NCKAP5: variants seen among roughly 807,000 people sequenced by gnomAD.
NCKAP5 encodes nck-associated protein 5.
In NCKAP5, 92 loss-of-function variants were observed where a neutral mutation model predicts 167.0. The observed-to-expected ratio is 0.55, with a 90% CI of 0.47 to 0.66. The LOEUF is 0.66. Among genes scored for constraint, NCKAP5 ranks in the 30% least tolerant of loss-of-function variants. NCKAP5 has a pLI of 0.00. For missense variants in NCKAP5, 2,378 were observed against 2,315.0 expected (o/e 1.03, Z -0.56); for synonymous variants, 891 against 877.4 (o/e 1.02, Z -0.27).
chr2:132,975,642 A>G (rs1456763198), intron 7 of NCKAP5, among the ~76,000 whole-genome samples: 2 of 152,222 alleles, frequency 1.3e-5, no homozygotes, highest in African/African-American at 4.8e-5. Flanking sequence ...GAAAACTAAT[A>G]ACAGAAATTA....
At chr2:132,950,579 A>G (rs965763470) in intron 8 of NCKAP5, among the ~76,000 whole-genome samples, 3 of 152,182 alleles carry the variant, frequency 2.0e-5, no homozygotes, top group Non-Finnish European at 4.4e-5. Flanking sequence ...TTTTGGGGAA[A>G]AAGGAAAAAG....
intron 7 of NCKAP5, among the ~76,000 whole-genome samples, chr2:132,982,458 G>A (rs1394924390): frequency 1.3e-5 from 2 of 152,038 alleles, no homozygotes; most frequent in East Asian, 3.9e-4. Flanking sequence ...TTATACATGT[G>A]GTCTTTAAGA....
At chr2:133,388,011 G>C (rs1230001388) in intron 3 of NCKAP5, among the ~76,000 whole-genome samples, 9 of 152,150 alleles carry the variant, frequency 5.9e-5, no homozygotes, top group Non-Finnish European at 1.2e-4. Flanking sequence ...GCTCAGAAAA[G>C]TTTGATCATC....
At chr2:133,577,180 C>T in the NCKAP5 span, among the ~76,000 whole-genome samples, 1 of 152,194 alleles carries the variant, frequency 6.6e-6, no homozygotes, top group Non-Finnish European at 1.5e-5. Flanking sequence ...ATGCCCAGGG[C>T]TTCCTGCTAA....
At chr2:133,465,882 T>C (rs1376879164) in intron 3 of NCKAP5, among the ~76,000 whole-genome samples, 1 of 146,456 alleles carries the variant, frequency 6.8e-6, no homozygotes, top group Non-Finnish European at 1.5e-5. Context: ...TAAATTTGTT[T>C]GAGTTCATTG....
At chr2:133,166,790 G>T (rs984309699) in intron 5 of NCKAP5, among the ~76,000 whole-genome samples, 2 of 152,062 alleles carry the variant, frequency 1.3e-5, no homozygotes, top group Non-Finnish European at 2.9e-5. Context: ...ACCAAAAAAG[G>T]TTTTAAAATT....
At chr2:132,797,997 T>C (rs913915775) in intron 11 of NCKAP5, among the ~76,000 whole-genome samples, 1 of 152,134 alleles carries the variant, frequency 6.6e-6, no homozygotes, top group Non-Finnish European at 1.5e-5. Context: ...TTTGCTGTTG[T>C]GGGTTGGCCA....
intron 3 of NCKAP5, among the ~76,000 whole-genome samples, chr2:133,379,086 G>T (rs981949889): frequency 6.6e-6 from 1 of 152,146 alleles, no homozygotes; most frequent in Non-Finnish European, 1.5e-5. Context: ...TATAATGATA[G>T]AACTCTATTT....
the NCKAP5 span, among the ~76,000 whole-genome samples, chr2:133,612,147 G>A: frequency 6.6e-6 from 1 of 152,082 alleles, no homozygotes; most frequent in Non-Finnish European, 1.5e-5. Flanking sequence ...CTCCAATGAT[G>A]ACCTTGGAAT....
intron 3 of NCKAP5, among the ~76,000 whole-genome samples, chr2:133,344,118 A>T (rs1439188963): frequency 6.6e-6 from 1 of 152,132 alleles, no homozygotes; most frequent in Non-Finnish European, 1.5e-5. Flanking sequence ...AAGAAGTAAT[A>T]AAAATATGGC....
the NCKAP5 span, among the ~76,000 whole-genome samples, chr2:133,593,568 G>T: frequency 6.6e-6 from 1 of 152,042 alleles, no homozygotes. Flanking sequence ...TTTGCCGAAG[G>T]CTGGGGAAAA....
At chr2:133,615,685 C>T in the NCKAP5 span, among the ~76,000 whole-genome samples, 1 of 152,090 alleles carries the variant, frequency 6.6e-6, no homozygotes, top group African/African-American at 2.4e-5. Flanking sequence ...GACTTAGACC[C>T]CCACACATTA....
intron 19 of NCKAP5, among the ~76,000 whole-genome samples, chr2:132,674,530 G>A (rs114577317): frequency 3.6e-4 from 55 of 152,204 alleles, no homozygotes; most frequent in African/African-American, 1.1e-3. Context: ...TTGCCAAACC[G>A]TCTCTAACAT....
chr2:132,879,873 C>T (rs1039937437), intron 8 of NCKAP5, among the ~76,000 whole-genome samples: 5 of 152,064 alleles, frequency 3.3e-5, no homozygotes, highest in African/African-American at 7.2e-5. Context: ...TTTTCCCATC[C>T]GTTTTTCTAA....
At chr2:132,972,620 G>C (rs1456986510) in intron 7 of NCKAP5, among the ~76,000 whole-genome samples, 1 of 152,030 alleles carries the variant, frequency 6.6e-6, no homozygotes, top group Non-Finnish European at 1.5e-5. Flanking sequence ...CCAGCACTTT[G>C]GGAGGCTGAG....
intron 4 of NCKAP5, among the ~76,000 whole-genome samples, chr2:133,294,523 A>G (rs1019947738): frequency 6.6e-6 from 1 of 152,168 alleles, no homozygotes; most frequent in Non-Finnish European, 1.5e-5. Context: ...TTCCTCAAGG[A>G]TAGAATAATG....
At chr2:132,690,581 T>C (rs1178763994) in intron 19 of NCKAP5, among the ~76,000 whole-genome samples, 1 of 152,206 alleles carries the variant, frequency 6.6e-6, no homozygotes, top group Non-Finnish European at 1.5e-5. Context: ...TTTCTTTATA[T>C]GTTGTTTTGC....
chr2:133,158,644 A>G (rs896551809), intron 5 of NCKAP5, among the ~76,000 whole-genome samples: 1 of 152,156 alleles, frequency 6.6e-6, no homozygotes, highest in African/African-American at 2.4e-5. Context: ...CCATTACCTC[A>G]TTTATATGTT....
chr2:133,532,623 A>G (rs145496498), intron 2 of NCKAP5, among the ~76,000 whole-genome samples: 587 of 152,210 alleles, frequency 3.9e-3, no homozygotes, highest in Middle Eastern at 0.01. Context: ...CTCCTATAAG[A>G]AGGAGCTACA....
Sources: gnomAD v4.1 joint callset for allele counts (sites outside exome capture counted in the v4.1 genomes callset) on GRCh38, gnomAD v4.1.1 for gene constraint, MANE v1.5 for transcripts, NCBI Gene and HGNC (gene_info 2026-07-23, HGNC 2026-07-21) for gene names.